The following EML5 variants were observed in gnomAD, a reference collection of about 807,000 sequenced individuals.
The protein encoded by EML5 is EMAP like 5.
EML5 carries 120 observed loss-of-function variants against 250.0 expected under a neutral mutation model. That is an observed-to-expected ratio of 0.48 (90% CI 0.41 to 0.56). The LOEUF (loss-of-function observed/expected upper bound fraction) is 0.56. EML5 is among the 20% of genes least tolerant of loss of function. The pLI, the probability that EML5 is intolerant of heterozygous loss-of-function variation, is 0.00. For missense variants in EML5, 2,006 were observed against 2,437.6 expected (o/e 0.82, Z 3.73); for synonymous variants, 771 against 806.5 (o/e 0.96, Z 0.75).
chr14:88,642,583 G>A (rs533744019), intron 31 of EML5, among the ~76,000 whole-genome samples: 14 of 152,190 alleles, frequency 9.2e-5, no homozygotes, highest in Admixed American at 8.5e-4. Context: ...TGGGAAAATA[G>A]AATTAAAGTT....
intron 8 of EML5, among the ~76,000 whole-genome samples, chr14:88,723,350 C>T (rs2093619155): frequency 2.6e-5 from 4 of 152,080 alleles, no homozygotes; most frequent in Admixed American, 2.6e-4. Context: ...ATAAACCAGG[C>T]AGAGAAAGAC....
At chr14:88,657,745 T>C (rs1348325649) in intron 26 of EML5, among the ~76,000 whole-genome samples, 2 of 152,174 alleles carry the variant, frequency 1.3e-5, no homozygotes, top group Non-Finnish European at 2.9e-5. Flanking sequence ...ACCATACTTT[T>C]CTTAAAAAAA....
intron 1 of EML5, among the ~76,000 whole-genome samples, chr14:88,783,611 T>C (rs1403276173): frequency 6.6e-6 from 1 of 152,144 alleles, no homozygotes; most frequent in Non-Finnish European, 1.5e-5. Flanking sequence ...AGCAAGAAGA[T>C]ATAACAATTT....
At chr14:88,689,466 G>C (rs1212349363) in intron 17 of EML5, among the ~76,000 whole-genome samples, 1 of 152,176 alleles carries the variant, frequency 6.6e-6, no homozygotes, top group Non-Finnish European at 1.5e-5. Context: ...TGAATATTAT[G>C]CTAGATCACA....
intron 1 of EML5, among the ~76,000 whole-genome samples, chr14:88,755,009 T>G (rs1259635754): frequency 6.6e-6 from 1 of 151,962 alleles, no homozygotes; most frequent in Non-Finnish European, 1.5e-5. Flanking sequence ...TTCGCCACAT[T>G]GGCCAGGTTA....
intron 1 of EML5, among the ~76,000 whole-genome samples, chr14:88,770,072 G>A (rs564042691): frequency 6.6e-6 from 1 of 152,114 alleles, no homozygotes; most frequent in South Asian, 2.1e-4. Flanking sequence ...CAGCAGAGGA[G>A]AGGAAAGAGC....
At chr14:88,783,860 A>AT (rs1042396912) in intron 1 of EML5, among the ~76,000 whole-genome samples, 1 of 152,186 alleles carries the variant, frequency 6.6e-6, no homozygotes, top group African/African-American at 2.4e-5. Flanking sequence ...CAGAATGCAC[A>AT]TTTTTTTCCT....
intron 36 of EML5, chr14:88,623,069 G>A (rs1175205995): frequency 1.9e-5 from 3 of 153,964 alleles, no homozygotes; most frequent in Non-Finnish European, 2.8e-5. Flanking sequence ...AGGCTTGAGT[G>A]CAGTGGCATG....
chr14:88,663,167 A>G, intron 23 of EML5, 48 bp from the exon 24 acceptor site: 3 of 1,247,776 alleles, frequency 2.4e-6, no homozygotes, highest in Non-Finnish European at 3.3e-6. Flanking sequence ...ATACATACAA[A>G]TATATATACC....
intron 1 of EML5, among the ~76,000 whole-genome samples, chr14:88,756,700 TA>T (rs1311684308): frequency 4.0e-5 from 6 of 151,512 alleles, no homozygotes; most frequent in Non-Finnish European, 5.9e-5. Flanking sequence ...CAACGAACAA[TA>T]AAAAAATTAA....
At chr14:88,775,730 C>T (rs2094440832) in intron 1 of EML5, among the ~76,000 whole-genome samples, 1 of 152,198 alleles carries the variant, frequency 6.6e-6, no homozygotes, top group African/African-American at 2.4e-5. Context: ...GGCTTTACCA[C>T]CTGAGTGTAG....
At chr14:88,672,513 C>T (rs1231189311) in intron 21 of EML5, among the ~76,000 whole-genome samples, 2 of 151,894 alleles carry the variant, frequency 1.3e-5, no homozygotes, top group Non-Finnish European at 2.9e-5. Flanking sequence ...CAAACAAACC[C>T]CGAAGCTAGC....
intron 10 of EML5, among the ~76,000 whole-genome samples, chr14:88,711,398 G>A (rs980293010): frequency 9.1e-5 from 6 of 66,130 alleles, no homozygotes; most frequent in African/African-American, 2.9e-4. Flanking sequence ...GGCTGGGGAG[G>A]CCTCAGGAAA....
chr14:88,759,854 T>C (rs2094214651), intron 1 of EML5, among the ~76,000 whole-genome samples: 3 of 152,126 alleles, frequency 2.0e-5, no homozygotes, highest in Admixed American at 2.0e-4. Context: ...ACAGTAGTTG[T>C]ACCATGTTAC....
intron 8 of EML5, among the ~76,000 whole-genome samples, chr14:88,722,209 T>C (rs1235739130): frequency 1.3e-5 from 2 of 152,228 alleles, no homozygotes; most frequent in Non-Finnish European, 2.9e-5. Flanking sequence ...GGTGTGGCGA[T>C]TCCTCAAAGA....
chr14:88,717,040 T>C (rs1306108112), intron 8 of EML5, among the ~76,000 whole-genome samples: 1 of 152,198 alleles, frequency 6.6e-6, no homozygotes, highest in Admixed American at 6.5e-5. Context: ...CAGTTCATAA[T>C]ACATCACAAA....
chr14:88,634,388 A>AAT lies in EML5; in HGVS notation c.4357+79_4357+80dup, dbSNP rs1217261784. On this transcript the variant is annotated intron_variant, in intron 33 of 43. Coordinates refer to ENST00000554922, the MANE Select transcript of EML5 (RefSeq NM_183387.3). ...TTTAATAGTAATGCAAGAACGGACT[A>AAT]ATATACTTGAACTTAAGTTTAATAT... The AAT allele has an allele frequency of 4.4e-6, 4 of 906,068 alleles. No homozygotes were observed. The African/African-American group carries it at 7.1e-5, about 16-fold the overall frequency. 56.1% of individuals were successfully genotyped at this position (906,068 alleles called of 1,614,324 possible).
At chr14:88,638,958 C>G in intron 31 of EML5, 51 bp from the exon 32 acceptor site, 1 of 1,366,710 alleles carries the variant, frequency 7.3e-7, no homozygotes, top group East Asian at 2.5e-5. Flanking sequence ...GATGTAACAG[C>G]CAAAAGCACT....
intron 4 of EML5, among the ~76,000 whole-genome samples, chr14:88,741,788 G>A (rs1719293952): frequency 6.6e-6 from 1 of 151,874 alleles, no homozygotes; most frequent in South Asian, 2.1e-4. Flanking sequence ...AAAGAAATTA[G>A]GCCCAAAGAA....
Sources: gnomAD v4.1 joint callset for allele counts (sites outside exome capture counted in the v4.1 genomes callset) on GRCh38, gnomAD v4.1.1 for gene constraint, MANE v1.5 for transcripts, NCBI Gene and HGNC (gene_info 2026-07-23, HGNC 2026-07-21) for gene names.